The following PCP2 variants were observed in gnomAD, a reference collection of about 807,000 sequenced individuals.
PCP2 encodes the protein Purkinje cell protein 2.
In PCP2, 21 loss-of-function variants were observed where a neutral mutation model predicts 18.3. The observed-to-expected ratio is 1.14, with a 90% confidence interval of 0.81 to 1.65. The LOEUF (loss-of-function observed/expected upper bound fraction) is 1.65. Ranked by LOEUF, PCP2 falls within the 40% of genes most tolerant of loss-of-function variation. The pLI is 0.00. For missense variants in PCP2, 202 were observed against 201.8 expected, an observed-to-expected ratio of 1.00 and a Z score of 0.00; for synonymous variants, 85 against 77.6, an observed-to-expected ratio of 1.10 and a Z score of -0.50.
At chr19:7,636,658 G>A (rs1438088453), upstream of PCP2, 1 of 154,114 alleles carries the variant, frequency 6.5e-6, no homozygotes, top group Non-Finnish European at 1.4e-5. Context: ...CACACAAGAG[G>A]TCTCCAGGCC....
upstream of PCP2, among the ~76,000 whole-genome samples, chr19:7,635,752 GGAAAA>G (rs748515817): frequency 2.2e-4 from 33 of 152,148 alleles, no homozygotes; most frequent in Middle Eastern, 3.4e-3. Flanking sequence ...AGAAAGGAAG[GGAAAA>G]GGAAAGGAAA....
upstream of PCP2, among the ~76,000 whole-genome samples, chr19:7,634,223 T>A (rs548945389): frequency 1.9e-4 from 29 of 152,306 alleles, no homozygotes; most frequent in South Asian, 6.0e-3. Context: ...AGGACGTCCC[T>A]GCCTTTTCCC....
In PCP2 at chr19:7,631,702, G is replaced by A. The variant is rs1302934648; in HGVS notation, c.398C>T (p.Thr133Ile). 6.9e-7 allele frequency: 1 copy of A among 1,453,518 alleles called. No individual in the cohort carries two copies. Among genetic ancestry groups the A allele is most frequent in the East Asian group, 2.6e-5 (1 of 38,738 alleles). The allele number at this position is 1,453,518 out of a possible 1,614,324, so 90.0% of individuals were successfully genotyped here. A position where few individuals can be genotyped will look rare whatever the true frequency, so the allele number is the denominator to read the frequency against. ...FRRNSSPQPP[T>I]QAP Reference sequence around the variant, plus strand: ...TGCCTCAGGCCCTCAGGGGGCTTGTGTCGGGGGCTGGGGGCTGCTGTTCCG... The same window carrying A: ...TGCCTCAGGCCCTCAGGGGGCTTGTATCGGGGGCTGGGGGCTGCTGTTCCG... Residue 133 changes from threonine to isoleucine, a missense_variant, in exon 4 of 4, where the codon ACA becomes ATA. Coordinates refer to ENST00000311069, the MANE Select transcript of PCP2 (RefSeq NM_174895.3).
At chr19:7,636,332 GAC>G (rs2031533087), upstream of PCP2, 3 of 152,122 alleles carry the variant, frequency 2.0e-5, no homozygotes, top group Admixed American at 2.0e-4. Context: ...CAAGCGACAG[GAC>G]ACACAGCAGA....
chr19:7,634,846 G>A (rs918433934), upstream of PCP2, among the ~76,000 whole-genome samples: 1 of 152,146 alleles, frequency 6.6e-6, no homozygotes, highest in East Asian at 1.9e-4. Flanking sequence ...TGTCACTGCA[G>A]CTCTTCACTC....
chr19:7,633,434 C>T lies in PCP2; in HGVS notation c.24G>A (p.Thr8=), dbSNP rs1862514. 0.34 allele frequency: 536,887 copies of T among 1,575,464 alleles called. 94,726 individuals are homozygous for T. Among genetic ancestry groups the T allele is most frequent in the Non-Finnish European group, 0.37 (425,805 of 1,159,220 alleles). MMDQEEK[T]EEGSGPCAEA... is the part of the protein sequence containing the mutation. The stretch of plus-strand genomic sequence containing the variant: ...CGGCACAGGGGCCTGAGCCTTCCTC[C>T]GTCTTCTCCTCCTGATCCATCATGT... Residue 8 remains threonine (T), a synonymous_variant, in exon 1 of 4, where the codon ACG becomes ACA. Coordinates refer to ENST00000311069, the MANE Select transcript of PCP2 (RefSeq NM_174895.3).
chr19:7,633,130 C>T lies in PCP2; in HGVS notation c.51+277G>A, dbSNP rs559797057. ...CTAGATTGGGGCCTGATGAGTGTGG[C>T]CTGGGAGCTGGGACACGAATCAGGG... On this transcript the variant is annotated intron_variant, in intron 1 of 3. Transcript: ENST00000311069. 26 of 469,066 alleles carry T rather than the reference C, an allele frequency of 5.5e-5. 1 individual carries two copies. Among genetic ancestry groups the T allele is most frequent in the African/African-American group, 5.4e-4 (26 of 47,708 alleles). The allele number at this position is 469,066 out of a possible 1,614,324, so 29.1% of individuals were successfully genotyped here. A position where few individuals can be genotyped will look rare whatever the true frequency, so the allele number is the denominator to read the frequency against.
chr19:7,633,515 G>T lies in PCP2; in HGVS notation c.-58C>A. 1 of 1,534,770 alleles carries T rather than the reference G, an allele frequency of 6.5e-7. No homozygotes were observed. Among genetic ancestry groups the T allele is most frequent in the Non-Finnish European group, 8.8e-7 (1 of 1,131,860 alleles). On this transcript the variant is annotated 5_prime_UTR_variant, in exon 1 of 4. Coordinates refer to ENST00000311069, the MANE Select transcript of PCP2 (RefSeq NM_174895.3). ...TCTGCCCCGGCCCAGTGCCAGAGAGGGCCTTTTAAACGTCCAGGACGTGGG... is the reference window on the plus strand; with the variant it reads ...TCTGCCCCGGCCCAGTGCCAGAGAGTGCCTTTTAAACGTCCAGGACGTGGG...
In PCP2 at chr19:7,633,629, T is replaced by C; in HGVS notation, c.-172A>G. On this transcript the variant is annotated 5_prime_UTR_variant, in exon 1 of 4. Transcript: ENST00000311069. ...AGCCCCATAAAGATCATCCAGATAA[T>C]TGTTTGCCCACAACGATGCTGGATC... 1.5e-6 allele frequency: 1 copy of C among 654,282 alleles called. No individual in the cohort carries two copies. Among genetic ancestry groups the C allele is most frequent in the South Asian group, 2.0e-5 (1 of 50,110 alleles). The allele number at this position is 654,282 out of a possible 1,614,324, so 40.5% of individuals were successfully genotyped here.
Position 7,632,162 on chromosome 19 carries a change from A to T in PCP2, c.291+231T>A. 1.5e-6 allele frequency: 1 copy of T among 675,528 alleles called. No individual in the cohort carries two copies. The highest frequency in any genetic ancestry group is 2.4e-6 in the Non-Finnish European group (1 of 412,028). The allele number at this position is 675,528 out of a possible 1,614,324, so 41.8% of individuals were successfully genotyped here. Reference sequence around the variant, plus strand: ...CCTTTGGCCTCCCCAGAACCTTCAGACTTGGGGGCAGGAGCCACAAGTTCC... The same window carrying T: ...CCTTTGGCCTCCCCAGAACCTTCAGTCTTGGGGGCAGGAGCCACAAGTTCC... On this transcript the variant is annotated intron_variant, in intron 3 of 3. Transcript: ENST00000311069. This position sits in a 1 kb window ranked among gnomAD's most constrained non-coding sequence, Gnocchi z 5.2.
chr19:7,632,591 A>T lies in PCP2; in HGVS notation c.167-74T>A. 2 of 1,596,752 alleles carry T rather than the reference A, an allele frequency of 1.3e-6. No homozygotes were observed. ...CCCAACCCTACCCCTTCACCCCCAC[A>T]CAGATGCTTCAGGGTGCACAACCAC... On this transcript the variant is annotated intron_variant, in intron 2 of 3. Coordinates refer to ENST00000311069, the MANE Select transcript of PCP2 (RefSeq NM_174895.3). The surrounding 1 kb of genome is among the most constrained non-coding windows in gnomAD (Gnocchi z 5.2).
At position 7,632,572 on chromosome 19, in the gene PCP2, C is replaced by T. The variant is rs1232283953; in HGVS notation, c.167-55G>A. ...CACAGCCGGAGTGGGGGCCCCCAAC[C>T]CTACCCCTTCACCCCCACACAGATG... On this transcript the variant is annotated intron_variant, in intron 2 of 3. Transcript: ENST00000311069. The surrounding 1 kb of genome is among the most constrained non-coding windows in gnomAD (Gnocchi z 5.2). 2.5e-6 allele frequency: 4 copies of T among 1,602,904 alleles called. No individual in the cohort carries two copies. In the African/African-American group the frequency reaches 4.0e-5, roughly 16 times the overall value.
chr19:7,634,267 C>G (rs562577308), upstream of PCP2, among the ~76,000 whole-genome samples: 10 of 152,266 alleles, frequency 6.6e-5, no homozygotes, highest in Admixed American at 6.5e-4. Flanking sequence ...AGTGCCCAAG[C>G]AGGGGATACC....
rs1451135098 is a variant in PCP2, at chr19:7,632,965, C to T, written c.52-135G>A. On this transcript the variant is annotated intron_variant, in intron 1 of 3. Coordinates refer to ENST00000311069, the MANE Select transcript of PCP2 (RefSeq NM_174895.3). The surrounding 1 kb of genome is among the most constrained non-coding windows in gnomAD (Gnocchi z 5.2). ...CCTCAGCTCTCACCATGGTCCCCGC[C>T]GATCCTCTCTGCAGAGCTGTTCTGA... 8.8e-6 allele frequency: 13 copies of T among 1,469,488 alleles called. No homozygotes were observed. Among genetic ancestry groups the T allele is most frequent in the African/African-American group, 2.8e-5 (2 of 71,230 alleles). 91.0% of individuals were successfully genotyped at this position (1,469,488 alleles called of 1,614,324 possible). A position where few individuals can be genotyped will look rare whatever the true frequency, so the allele number is the denominator to read the frequency against.
At position 7,633,488 on chromosome 19, in the gene PCP2, C is replaced by A. The variant is rs747881069; in HGVS notation, c.-31G>T. On this transcript the variant is annotated 5_prime_UTR_variant, in exon 1 of 4. Coordinates refer to ENST00000311069, the MANE Select transcript of PCP2 (RefSeq NM_174895.3). ...TGGACTCCAGTCACTTTTCTGCTGG[C>A]CTCTGCCCCGGCCCAGTGCCAGAGA... 7 of 1,560,726 alleles carry A rather than the reference C, an allele frequency of 4.5e-6. No homozygotes were observed. Among genetic ancestry groups the A allele is most frequent in the Non-Finnish European group, 6.1e-6 (7 of 1,151,018 alleles).
Position 7,632,398 on chromosome 19 carries a change from A to T in PCP2, c.286T>A (p.Ser96Thr), listed in dbSNP as rs1568458660. ...SSLPGFQPVG[S>T]KDGAQKRAGT... Reference sequence around the variant, plus strand: ...ATCGCCAGAACATCACCTACCTTGGACCCCACGGGCTGGAAGCCGGGCAGG... The same window carrying T: ...ATCGCCAGAACATCACCTACCTTGGTCCCCACGGGCTGGAAGCCGGGCAGG... The change falls in exon 3 of 4, where the codon TCC (serine) becomes ACC (threonine). Residue 96 changes from serine to threonine, a missense_variant. Coordinates refer to ENST00000311069, the MANE Select transcript of PCP2 (RefSeq NM_174895.3). This position sits in a 1 kb window ranked among gnomAD's most constrained non-coding sequence, Gnocchi z 5.2. 6.2e-7 allele frequency: 1 copy of T among 1,613,408 alleles called. No individual in the cohort carries two copies.
chr19:7,632,766 T>A lies in PCP2; in HGVS notation c.116A>T (p.Glu39Val). 1.3e-6 allele frequency: 2 copies of A among 1,567,862 alleles called. No homozygotes were observed. ...GGCTTGCAGTGAACAGCGCTGTCCC[T>A]CCATCCGGTCGCCCTGCACGTGGCT... is the stretch of plus-strand genomic sequence containing the variant. ...LLSHVQGDRM[E>V]GQRCSLQAGP... The change falls in exon 2 of 4, where the codon GAG becomes GTG. Residue 39 changes from glutamate (E) to valine (V), a missense_variant. Transcript: ENST00000311069. This position sits in a 1 kb window ranked among gnomAD's most constrained non-coding sequence, Gnocchi z 5.2.
In PCP2 at chr19:7,633,425, G is replaced by T; in HGVS notation, c.33C>A (p.Gly11=). ...CTCTCACCTCGGCACAGGGGCCTGA[G>T]CCTTCCTCCGTCTTCTCCTCCTGAT... is the stretch of plus-strand genomic sequence containing the variant. MMDQEEKTEE[G]SGPCAEAGSP... The change falls in exon 1 of 4, where the codon GGC becomes GGA. Residue 11 remains glycine, a synonymous_variant. Transcript: ENST00000311069. The T allele has an allele frequency of 6.3e-7, 1 of 1,575,732 alleles. No homozygotes were observed.
At chr19:7,635,231 T>G (rs1342280428), upstream of PCP2, among the ~76,000 whole-genome samples, 1 of 152,130 alleles carries the variant, frequency 6.6e-6, no homozygotes, top group Non-Finnish European at 1.5e-5. Context: ...CTTCCCCTGC[T>G]CAAAACTCTT....
Sources: gnomAD v4.1 joint callset for allele counts (sites outside exome capture counted in the v4.1 genomes callset) on GRCh38, gnomAD v4.1.1 for gene constraint, Gnocchi (gnomAD v3.1) non-coding constraint, MANE v1.5 for transcripts, NCBI Gene and HGNC (gene_info 2026-07-23, HGNC 2026-07-21) for gene names.